The following OXR1 variants were observed in gnomAD, a reference collection of about 807,000 sequenced individuals.
OXR1 encodes the protein oxidation resistance protein 1.
OXR1 carries 41 observed loss-of-function variants against 104.6 expected under a neutral mutation model. That is an observed-to-expected ratio of 0.39 (90% CI 0.31 to 0.51). The LOEUF is 0.51. OXR1 is among the 20% of genes least tolerant of loss of function. The pLI is 0.77. For missense variants in OXR1, 955 were observed against 1,031.9 expected, an observed-to-expected ratio of 0.93 and a Z score of 1.02; for synonymous variants, 348 against 348.4, an observed-to-expected ratio of 1.00 and a Z score of 0.01.
At chr8:106,726,317 T>A in intron 11 of OXR1, 1 of 1,416,272 alleles carries the variant, frequency 7.1e-7, no homozygotes, top group South Asian at 1.3e-5. Context: ...CTGGTAAATC[T>A]TAGTCAATTA....
chr8:106,651,615 A>G (rs1252161680), intron 3 of OXR1, among the ~76,000 whole-genome samples: 1 of 152,178 alleles, frequency 6.6e-6, no homozygotes, highest in Non-Finnish European at 1.5e-5. Flanking sequence ...TATTTCATCA[A>G]TCTGTACATC....
At chr8:106,398,558 A>G (rs759080866) in intron 2 of OXR1, among the ~76,000 whole-genome samples, 2 of 152,322 alleles carry the variant, frequency 1.3e-5, no homozygotes, top group South Asian at 4.1e-4. Context: ...GAATAGGTAT[A>G]AAACTAATTA....
chr8:106,333,114 A>G (rs1024687350), intron 1 of OXR1, among the ~76,000 whole-genome samples: 1 of 152,098 alleles, frequency 6.6e-6, no homozygotes. Context: ...TTCATGTATA[A>G]GTTTTGTGTG....
chr8:106,658,212 G>T (rs994163234), intron 3 of OXR1: 59 of 1,233,710 alleles, frequency 4.8e-5, no homozygotes, highest in Non-Finnish European at 5.9e-5. Flanking sequence ...TTCGCCTCCC[G>T]CGCGGCCGAC....
chr8:106,446,959 G>A (rs1200477207), intron 2 of OXR1, among the ~76,000 whole-genome samples: 1 of 152,002 alleles, frequency 6.6e-6, no homozygotes, highest in East Asian at 1.9e-4. Flanking sequence ...AACAAAGAAA[G>A]GAAACTGAAT....
chr8:106,610,664 C>T (rs897057770), intron 3 of OXR1, among the ~76,000 whole-genome samples: 25 of 152,186 alleles, frequency 1.6e-4, no homozygotes, highest in African/African-American at 5.8e-4. Flanking sequence ...GACTTGAGCA[C>T]TTTCCTTTTC....
At chr8:106,644,007 G>A (rs1280180223) in intron 3 of OXR1, among the ~76,000 whole-genome samples, 1 of 152,102 alleles carries the variant, frequency 6.6e-6, no homozygotes, top group East Asian at 1.9e-4. Flanking sequence ...ACATAAAAAT[G>A]GCATTTTATG....
intron 2 of OXR1, among the ~76,000 whole-genome samples, chr8:106,502,043 A>G (rs952898549): frequency 5.9e-5 from 9 of 152,216 alleles, no homozygotes; most frequent in African/African-American, 2.2e-4. Flanking sequence ...CATTCCAGAA[A>G]TGTTTCTTTT....
intron 3 of OXR1, among the ~76,000 whole-genome samples, chr8:106,639,972 T>C (rs772216883): frequency 1.2e-4 from 18 of 152,180 alleles, no homozygotes; most frequent in Non-Finnish European, 1.9e-4. Flanking sequence ...TGAGCAAGTA[T>C]ATCAAATCTT....
chr8:106,326,712 A>C (rs1814484329), intron 1 of OXR1, among the ~76,000 whole-genome samples: 1 of 152,144 alleles, frequency 6.6e-6, no homozygotes, highest in Non-Finnish European at 1.5e-5. Context: ...AAGGACCATG[A>C]GGTGGGAACA....
chr8:106,662,285 A>G (rs1681887), intron 3 of OXR1, among the ~76,000 whole-genome samples: 20,081 of 152,252 alleles, frequency 0.13, 1,594 homozygotes, highest in Non-Finnish European at 0.18. Flanking sequence ...AAATGAAGTT[A>G]AGTGGGAATG....
intron 2 of OXR1, among the ~76,000 whole-genome samples, chr8:106,511,098 C>T (rs1308714394): frequency 6.6e-6 from 1 of 152,138 alleles, no homozygotes; most frequent in Admixed American, 6.5e-5. Flanking sequence ...TTGTTTTCTT[C>T]TTTTAAAGCA....
intron 11 of OXR1, among the ~76,000 whole-genome samples, chr8:106,714,749 TAAATG>T (rs566588773): frequency 1.2e-4 from 18 of 152,282 alleles, no homozygotes; most frequent in African/African-American, 4.3e-4. Flanking sequence ...AATGTTATAA[TAAATG>T]TAATCAAATT....
At chr8:106,397,612 T>C (rs1437417648) in intron 2 of OXR1, among the ~76,000 whole-genome samples, 1 of 152,060 alleles carries the variant, frequency 6.6e-6, no homozygotes, top group Non-Finnish European at 1.5e-5. Context: ...AGTTCCTGTT[T>C]GGGGATTTAA....
chr8:106,565,301 G>A (rs899195837), intron 3 of OXR1, among the ~76,000 whole-genome samples: 1 of 151,960 alleles, frequency 6.6e-6, no homozygotes, highest in Non-Finnish European at 1.5e-5. Context: ...AAATCAAAGT[G>A]CAAAAATCAC....
intron 3 of OXR1, among the ~76,000 whole-genome samples, chr8:106,675,432 A>G (rs1317225783): frequency 6.6e-6 from 1 of 152,162 alleles, no homozygotes; most frequent in Admixed American, 6.5e-5. Flanking sequence ...TACAAAATTT[A>G]TACATCTTAT....
intron 2 of OXR1, among the ~76,000 whole-genome samples, chr8:106,367,144 CCT>C (rs1252392370): frequency 1.3e-4 from 19 of 151,306 alleles, no homozygotes; most frequent in African/African-American, 4.1e-4. Context: ...CTCACTGCAT[CCT>C]CGCCTCCCGG....
At chr8:106,329,035 AGGCTG>A (rs1385317303) in intron 1 of OXR1, among the ~76,000 whole-genome samples, 2 of 150,976 alleles carry the variant, frequency 1.3e-5, no homozygotes, top group Non-Finnish European at 1.5e-5. Flanking sequence ...TCTGTTGCCC[AGGCTG>A]GAGTGCAGTG....
At chr8:106,284,151 G>A (rs2130003787) in intron 1 of OXR1, among the ~76,000 whole-genome samples, 1 of 152,080 alleles carries the variant, frequency 6.6e-6, no homozygotes, top group African/African-American at 2.4e-5. Context: ...GTGCTGGGGA[G>A]AGGATGTCAG....
Sources: allele counts gnomAD v4.1 joint callset (sites outside exome capture counted in the v4.1 genomes callset), GRCh38; gene constraint gnomAD v4.1.1; transcripts MANE v1.5; gene names NCBI Gene and HGNC (gene_info 2026-07-23, HGNC 2026-07-21).